The following ATF7IP2 variants were observed in gnomAD, a reference collection of about 807,000 sequenced individuals.
ATF7IP2 encodes activating transcription factor 7 interacting protein 2.
In ATF7IP2, 42 loss-of-function variants were observed where a neutral mutation model predicts 64.2. The observed-to-expected ratio is 0.65, with a 90% CI of 0.51 to 0.85. ATF7IP2 has a LOEUF of 0.85. ATF7IP2 is among the 40% of genes least tolerant of loss of function. ATF7IP2 has a pLI of 0.00. For synonymous variants in ATF7IP2, 308 were observed against 272.8 expected, an observed-to-expected ratio of 1.13 and a Z score of -1.27; for missense variants, 933 against 784.2, an observed-to-expected ratio of 1.19 and a Z score of -2.27.
intron 9 of ATF7IP2, among the ~76,000 whole-genome samples, chr16:10,466,586 T>A (rs1184357084): frequency 6.6e-6 from 1 of 152,204 alleles, no homozygotes; most frequent in Non-Finnish European, 1.5e-5. Flanking sequence ...ACATTGTGGT[T>A]TTAATTTGTA....
chr16:10,458,464 C>G (rs1481879820), intron 9 of ATF7IP2, among the ~76,000 whole-genome samples: 1 of 152,202 alleles, frequency 6.6e-6, no homozygotes, highest in African/African-American at 2.4e-5. Flanking sequence ...TGGTTTGTGT[C>G]TTTTATATGA....
At chr16:10,481,027 T>C in intron 13 of ATF7IP2, 63 bp downstream of exon 13, 1 of 1,241,502 alleles carries the variant, frequency 8.1e-7, no homozygotes, top group Admixed American at 1.7e-5. Flanking sequence ...GTAGCTATGT[T>C]ACTCTTGAAG....
intron 6 of ATF7IP2, among the ~76,000 whole-genome samples, chr16:10,435,292 G>T (rs776531385): frequency 6.6e-6 from 1 of 152,194 alleles, no homozygotes; most frequent in African/African-American, 2.4e-5. Flanking sequence ...GAGCATGGCC[G>T]GGTTAATTCC....
chr16:10,425,023 A>G (rs1297153882), intron 3 of ATF7IP2, among the ~76,000 whole-genome samples: 1 of 151,862 alleles, frequency 6.6e-6, no homozygotes, highest in African/African-American at 2.4e-5. Context: ...TTATGTCCAC[A>G]TAAAAACTTG....
At chr16:10,403,051 A>C (rs998726142) in intron 1 of ATF7IP2, among the ~76,000 whole-genome samples, 1 of 152,116 alleles carries the variant, frequency 6.6e-6, no homozygotes, top group African/African-American at 2.4e-5. Context: ...TTTCAGTCCA[A>C]TATTTGATTT....
chr16:10,391,959 T>G (rs186878088), intron 1 of ATF7IP2, among the ~76,000 whole-genome samples: 1 of 150,974 alleles, frequency 6.6e-6, no homozygotes, highest in Non-Finnish European at 1.5e-5. Flanking sequence ...GAGAATACTA[T>G]AAGAACTTTG....
intron 8 of ATF7IP2, among the ~76,000 whole-genome samples, chr16:10,453,721 A>C (rs2049066716): frequency 6.6e-6 from 1 of 152,130 alleles, no homozygotes; most frequent in African/African-American, 2.4e-5. Context: ...GGGTTCAAGC[A>C]ATTCTCCTAC....
At chr16:10,418,259 C>A (rs955990941) in intron 2 of ATF7IP2, among the ~76,000 whole-genome samples, 1 of 152,216 alleles carries the variant, frequency 6.6e-6, no homozygotes, top group Non-Finnish European at 1.5e-5. Context: ...GTTTTCCACC[C>A]CAGGTGGGCC....
At chr16:10,432,132 C>A (rs913731260) in intron 5 of ATF7IP2, among the ~76,000 whole-genome samples, 13 of 151,846 alleles carry the variant, frequency 8.6e-5, no homozygotes, top group African/African-American at 3.1e-4. Context: ...CCACTGTGCC[C>A]AGCCAACCCT....
At chr16:10,455,136 T>C (rs574737885) in intron 8 of ATF7IP2, among the ~76,000 whole-genome samples, 27 of 152,346 alleles carry the variant, frequency 1.8e-4, no homozygotes, top group African/African-American at 6.5e-4. Context: ...AAGATGTCCA[T>C]GACCTAATTC....
At chr16:10,441,818 C>A (rs1354796997) in intron 8 of ATF7IP2, among the ~76,000 whole-genome samples, 1 of 152,008 alleles carries the variant, frequency 6.6e-6, no homozygotes, top group Non-Finnish European at 1.5e-5. Context: ...AAGTCTTTGC[C>A]CATTCCTATG....
chr16:10,456,480 G>T (rs1342826036), intron 8 of ATF7IP2, among the ~76,000 whole-genome samples: 1 of 152,112 alleles, frequency 6.6e-6, no homozygotes, highest in African/African-American at 2.4e-5. Context: ...TAGGTTTAGT[G>T]TGTAGATCCT....
Position 10,435,258 on chromosome 16 carries a change from C to G in ATF7IP2, c.960+1609C>G, listed in dbSNP as rs188691126. On this transcript the variant is annotated intron_variant, in intron 6 of 13. Coordinates refer to ENST00000562102, the MANE Select transcript of ATF7IP2 (RefSeq NM_001393719.1). Reference sequence around the variant, plus strand: ...TGAAGGAGTCCTGCAGTGATCATTTCTTAGCCTTTTGAGGTTTCATAAGGA... The same window carrying G: ...TGAAGGAGTCCTGCAGTGATCATTTGTTAGCCTTTTGAGGTTTCATAAGGA... 2.6e-5 allele frequency among the ~76,000 whole-genome samples: 4 copies of G among 152,332 alleles called. No homozygotes were observed. In the East Asian group the frequency reaches 7.7e-4, roughly 29 times the overall value.
chr16:10,442,206 A>G (rs1287263057), intron 8 of ATF7IP2, among the ~76,000 whole-genome samples: 2 of 152,230 alleles, frequency 1.3e-5, no homozygotes, highest in African/African-American at 2.4e-5. Flanking sequence ...AAAAGGCAGG[A>G]AAGGTTACTT....
At chr16:10,396,688 A>G (rs2047425879) in intron 1 of ATF7IP2, among the ~76,000 whole-genome samples, 1 of 151,674 alleles carries the variant, frequency 6.6e-6, no homozygotes, top group Non-Finnish European at 1.5e-5. Context: ...ACAGTGTCTC[A>G]CTGTCTCACA....
At chr16:10,443,724 A>G (rs536961724) in intron 8 of ATF7IP2, among the ~76,000 whole-genome samples, 51 of 152,308 alleles carry the variant, frequency 3.3e-4, no homozygotes, top group African/African-American at 1.2e-3. Context: ...AATGGTGGAC[A>G]AAATGTATTT....
intron 1 of ATF7IP2, among the ~76,000 whole-genome samples, chr16:10,402,385 G>A (rs1596442806): frequency 6.6e-6 from 1 of 152,028 alleles, no homozygotes; most frequent in South Asian, 2.1e-4. Context: ...TTATAGTTCT[G>A]AAGATTCTCT....
intron 3 of ATF7IP2, among the ~76,000 whole-genome samples, chr16:10,422,003 G>A (rs953623427): frequency 1.3e-5 from 2 of 152,234 alleles, no homozygotes; most frequent in African/African-American, 2.4e-5. Flanking sequence ...AGTCCTGGCT[G>A]CAATGCCCCC....
intron 1 of ATF7IP2, among the ~76,000 whole-genome samples, chr16:10,412,031 T>TTTTTTTTTTTTTTTTTTTTTTTTG: frequency 6.9e-6 from 1 of 144,598 alleles, no homozygotes; most frequent in Non-Finnish European, 1.5e-5. Flanking sequence ...TTTTTTTTTT[T>TTTTTTTTTTTTTTTTTTTTTTTTG]TTTTTTTTAC....
Sources: allele counts gnomAD v4.1 joint callset (sites outside exome capture counted in the v4.1 genomes callset), GRCh38; gene constraint gnomAD v4.1.1; transcripts MANE v1.5; gene names NCBI Gene and HGNC (gene_info 2026-07-23, HGNC 2026-07-21).